The following GPHN variants were observed in gnomAD, a reference collection of about 807,000 sequenced individuals.
GPHN encodes gephyrin.
In GPHN, 17 loss-of-function variants were observed where a neutral mutation model predicts 95.5. That is an observed-to-expected ratio of 0.18 (90% CI 0.12 to 0.27). GPHN has a LOEUF of 0.27. Among genes scored for constraint, GPHN ranks in the 10% least tolerant of loss-of-function variants. The pLI, the probability that GPHN is intolerant of heterozygous loss-of-function variation, is 1.00. For synonymous variants in GPHN, 320 were observed against 322.5 expected, an observed-to-expected ratio of 0.99 and a Z score of 0.08; for missense variants, 660 against 978.1, an observed-to-expected ratio of 0.67 and a Z score of 4.34.
chr14:67,257,841 TACAC>T, the GPHN span, among the ~76,000 whole-genome samples: 8 of 152,172 alleles, frequency 5.3e-5, no homozygotes, highest in Non-Finnish European at 7.4e-5. Context: ...TTTTAAAAAA[TACAC>T]ACATAATTTT....
the GPHN span, among the ~76,000 whole-genome samples, chr14:67,601,619 T>C: frequency 6.8e-6 from 1 of 147,408 alleles, no homozygotes; most frequent in Non-Finnish European, 1.5e-5. Context: ...ACACTTGTGA[T>C]GGGCTGGGCA....
intron 8 of GPHN, among the ~76,000 whole-genome samples, chr14:66,932,316 A>C (rs1017315357): frequency 6.6e-6 from 1 of 151,700 alleles, no homozygotes; most frequent in East Asian, 1.9e-4. Context: ...GTGTTGGGTC[A>C]CTCCTAAAAC....
chr14:67,585,689 C>T, the GPHN span: 6 of 1,399,848 alleles, frequency 4.3e-6, no homozygotes, highest in Admixed American at 5.9e-5. Context: ...CTGACCCCTC[C>T]TCTTCCTCAA....
At position 66,508,561 on chromosome 14, in the gene GPHN, G is replaced by T. The variant is rs765922805; in HGVS notation, c.34G>T (p.Asp12Tyr). The change falls in exon 1 of 23, where the codon GAC becomes TAC. Residue 12 changes from aspartate (D) to tyrosine (Y), a missense_variant. By Grantham distance (160) the Asp-to-Tyr change is radical. This residue lies in a region of GPHN where 92 missense variants were observed against 91.9 expected (regional missense o/e 1.00). Transcript: ENST00000478722. ...ATEGMILTNH[D>Y]HQIRVGVLTV... ...CGAGGGAATGATCCTTACTAACCAC[G>T]ACCATCAAATCCGTGTCGGAGTCCT... The T allele has an allele frequency of 4.3e-6, 7 of 1,613,926 alleles. No homozygotes were observed. Among genetic ancestry groups the T allele is most frequent in the African/African-American group, 1.3e-5 (1 of 74,942 alleles).
the GPHN span, chr14:67,662,378 C>A: frequency 9.3e-7 from 1 of 1,080,608 alleles, no homozygotes; most frequent in South Asian, 1.4e-5. Context: ...AAATCAAGAT[C>A]AATGGACAGG....
chr14:66,609,012 G>C (rs963146913), intron 1 of GPHN, among the ~76,000 whole-genome samples: 3 of 152,196 alleles, frequency 2.0e-5, no homozygotes, highest in Admixed American at 2.0e-4. Context: ...GTGAAGTTTT[G>C]ATACAGAAAT....
chr14:66,568,217 G>C (rs2060539767), intron 1 of GPHN, among the ~76,000 whole-genome samples: 1 of 152,122 alleles, frequency 6.6e-6, no homozygotes, highest in African/African-American at 2.4e-5. Context: ...GCTACAGTAG[G>C]AAATAAATAA....
chr14:67,388,442 A>G, the GPHN span: 11 of 665,478 alleles, frequency 1.7e-5, no homozygotes, highest in African/African-American at 5.3e-5. Flanking sequence ...TGGACATCAC[A>G]TGGCCAAAGC....
the GPHN span, among the ~76,000 whole-genome samples, chr14:67,664,415 G>A: frequency 9.2e-5 from 14 of 152,156 alleles, no homozygotes; most frequent in African/African-American, 3.4e-4. Context: ...TTGCACGTAT[G>A]GGGATATGGC....
intron 8 of GPHN, among the ~76,000 whole-genome samples, chr14:66,941,589 G>T (rs1163937406): frequency 1.3e-5 from 2 of 151,944 alleles, no homozygotes; most frequent in African/African-American, 4.8e-5. Context: ...GTAGACAAGG[G>T]TATGAGGCCA....
the GPHN span, among the ~76,000 whole-genome samples, chr14:67,225,941 G>GTGTGTGTGTGTGTC: frequency 1.5e-5 from 2 of 134,334 alleles, no homozygotes; most frequent in Non-Finnish European, 3.1e-5. Flanking sequence ...GTGTGTGTGT[G>GTGTGTGTGTGTGTC]TGTGTGTGTG....
the GPHN span, among the ~76,000 whole-genome samples, chr14:67,327,383 G>A: frequency 3.3e-5 from 5 of 151,934 alleles, no homozygotes; most frequent in Admixed American, 3.3e-4. Context: ...GCGGGGTACA[G>A]TGGCTCACAC....
At chr14:67,110,843 A>C (rs975900280) in intron 14 of GPHN, among the ~76,000 whole-genome samples, 30 of 152,192 alleles carry the variant, frequency 2.0e-4, no homozygotes, top group African/African-American at 7.2e-4. Flanking sequence ...TGGAAATATT[A>C]AGTGTATGTC....
At chr14:67,596,221 C>T in the GPHN span, among the ~76,000 whole-genome samples, 4 of 149,722 alleles carry the variant, frequency 2.7e-5, no homozygotes, top group Middle Eastern at 7.0e-3. Flanking sequence ...CTCCACCTCC[C>T]GGGTTCAAGT....
intron 16 of GPHN, among the ~76,000 whole-genome samples, chr14:67,119,262 A>T: frequency 6.6e-6 from 1 of 152,202 alleles, no homozygotes; most frequent in East Asian, 1.9e-4. Flanking sequence ...AAATAATGGT[A>T]TAGTTTTGCA....
At chr14:66,584,525 T>C (rs1442678276) in intron 1 of GPHN, among the ~76,000 whole-genome samples, 1 of 152,180 alleles carries the variant, frequency 6.6e-6, no homozygotes, top group Non-Finnish European at 1.5e-5. Context: ...GCTGTGGGTT[T>C]GTCATAGATA....
At chr14:66,961,900 G>GCA (rs2068927830) in intron 8 of GPHN, among the ~76,000 whole-genome samples, 1 of 52,958 alleles carries the variant, frequency 1.9e-5, no homozygotes, top group Admixed American at 2.2e-4. Flanking sequence ...CCCTGAATGT[G>GCA]TATATATATA....
intron 9 of GPHN, among the ~76,000 whole-genome samples, chr14:66,968,688 G>T (rs186437211): frequency 6.6e-6 from 1 of 152,176 alleles, no homozygotes. Context: ...TGAGTTTTGT[G>T]TCTATTATTT....
At chr14:67,098,307 C>T (rs1006949064) in intron 12 of GPHN, among the ~76,000 whole-genome samples, 1 of 152,072 alleles carries the variant, frequency 6.6e-6, no homozygotes, top group Non-Finnish European at 1.5e-5. Context: ...TAGACATTTA[C>T]TGAATGAATA....
Sources: allele counts gnomAD v4.1 joint callset (sites outside exome capture counted in the v4.1 genomes callset), GRCh38; gene constraint gnomAD v4.1.1; regional missense constraint gnomAD v4.1.1; transcripts MANE v1.5; gene names NCBI Gene and HGNC (gene_info 2026-07-23, HGNC 2026-07-21).